CCDC68: variants seen among roughly 807,000 people sequenced by gnomAD.
CCDC68 encodes the protein coiled-coil domain-containing protein 68.
CCDC68 carries 45 observed loss-of-function variants against 47.1 expected under a neutral mutation model. The ratio of observed to expected loss-of-function variants is 0.96; its 90% CI spans 0.75 to 1.23. The LOEUF is 1.23. Among genes scored for constraint, CCDC68 ranks in the 50% most tolerant of loss-of-function variants. The probability of loss-of-function intolerance (pLI) is 0.00; values close to 1 mark genes in which losing one functional copy is unlikely to be tolerated. For missense variants in CCDC68, 353 were observed against 373.6 expected, an observed-to-expected ratio of 0.94 and a Z score of 0.45; for synonymous variants, 131 against 129.5, an observed-to-expected ratio of 1.01 and a Z score of -0.08.
chr18:54,904,565 G>A, intron 11 of CCDC68, 150 bp from the exon 12 acceptor site: 1 of 626,364 alleles, frequency 1.6e-6, no homozygotes, highest in South Asian at 2.1e-5. Context: ...GATGTATTCT[G>A]ACCAGTTCCC....
intron 1 of CCDC68, among the ~76,000 whole-genome samples, chr18:54,955,456 G>T (rs2044695668): frequency 6.6e-6 from 1 of 152,136 alleles, no homozygotes; most frequent in Non-Finnish European, 1.5e-5. Context: ...TAGGCTCACA[G>T]AACTGGCTAG....
chr18:54,942,592 G>T, intron 3 of CCDC68, 83 bp downstream of exon 3: 1 of 823,242 alleles, frequency 1.2e-6, no homozygotes, highest in Non-Finnish European at 2.0e-6. Flanking sequence ...GTTCTATGGA[G>T]AGGGAAACAA....
Position 54,902,806 on chromosome 18 carries a change from A to T in CCDC68, c.*1552T>A, listed in dbSNP as rs1913758198. The T allele has an allele frequency of 6.6e-6, 1 of 152,206 alleles. No homozygotes were observed. The highest frequency in any genetic ancestry group is 1.5e-5 in the Non-Finnish European group (1 of 68,028). The allele number at this position is 152,206 out of a possible 1,614,324, so 9.4% of individuals were successfully genotyped here. A position where few individuals can be genotyped will look rare whatever the true frequency, so the allele number is the denominator to read the frequency against. On this transcript the variant is annotated 3_prime_UTR_variant, in exon 12 of 12. Transcript: ENST00000591504. ...TAGAATGAATATCAATAGCCAAGTC[A>T]AAAGGTTCAAATTTTTGCTTCACAG...
intron 3 of CCDC68, 115 bp from the exon 4 acceptor site, chr18:54,941,198 T>C (rs1354711220): frequency 1.5e-6 from 1 of 646,298 alleles, no homozygotes; most frequent in African/African-American, 1.8e-5. Context: ...TATATACATA[T>C]ATTGATCTCA....
intron 11 of CCDC68, among the ~76,000 whole-genome samples, chr18:54,905,471 C>T (rs998782820): frequency 6.5e-5 from 8 of 122,730 alleles, no homozygotes; most frequent in Non-Finnish European, 1.2e-4. Context: ...AAAGAAAAAA[C>T]CTTTTTTGTT....
intron 8 of CCDC68, among the ~76,000 whole-genome samples, chr18:54,926,979 A>G (rs1360559002): frequency 6.6e-6 from 1 of 152,242 alleles, no homozygotes; most frequent in Non-Finnish European, 1.5e-5. Flanking sequence ...TATGGAGTCA[A>G]CCTTATTTTT....
At chr18:54,904,659 A>C (rs1391126304) in intron 11 of CCDC68, among the ~76,000 whole-genome samples, 2 of 152,220 alleles carry the variant, frequency 1.3e-5, no homozygotes, top group Non-Finnish European at 2.9e-5. Context: ...ATGAGGGAGC[A>C]TGAGGGAAGC....
At chr18:54,946,595 T>C (rs2044532004) in intron 1 of CCDC68, among the ~76,000 whole-genome samples, 1 of 152,252 alleles carries the variant, frequency 6.6e-6, no homozygotes, top group East Asian at 1.9e-4. Flanking sequence ...CTTCTCAGGC[T>C]CTTTCATAAT....
At chr18:54,942,095 G>C (rs1441845229) in intron 3 of CCDC68, among the ~76,000 whole-genome samples, 2 of 152,168 alleles carry the variant, frequency 1.3e-5, no homozygotes, top group Non-Finnish European at 2.9e-5. Flanking sequence ...ACTGCACCTG[G>C]CCTACTCTAG....
At chr18:54,953,551 TAGAG>T (rs35449564) in intron 1 of CCDC68, among the ~76,000 whole-genome samples, 1 of 150,504 alleles carries the variant, frequency 6.6e-6, no homozygotes, top group African/African-American at 2.4e-5. Context: ...TATATATATA[TAGAG>T]AGAGAGAGAT....
chr18:54,917,078 G>A (rs561777459), intron 10 of CCDC68, among the ~76,000 whole-genome samples: 2 of 152,288 alleles, frequency 1.3e-5, no homozygotes, highest in South Asian at 4.1e-4. Flanking sequence ...TCTTGGGTAT[G>A]TCTTTATTAG....
intron 10 of CCDC68, among the ~76,000 whole-genome samples, chr18:54,910,377 T>A (rs1914287749): frequency 6.6e-6 from 1 of 152,196 alleles, no homozygotes; most frequent in African/African-American, 2.4e-5. Context: ...AGCTCTTCTC[T>A]GCAGCTGGTC....
intron 8 of CCDC68, among the ~76,000 whole-genome samples, chr18:54,927,124 T>C (rs1357796351): frequency 6.6e-6 from 1 of 152,192 alleles, no homozygotes; most frequent in Non-Finnish European, 1.5e-5. Flanking sequence ...GTCTGAGTCA[T>C]ACTGATTTCA....
intron 6 of CCDC68, among the ~76,000 whole-genome samples, chr18:54,935,635 C>G (rs1348281417): frequency 6.6e-6 from 1 of 152,206 alleles, no homozygotes; most frequent in African/African-American, 2.4e-5. Flanking sequence ...ACAAGCGCCC[C>G]CATAGCATAG....
intron 10 of CCDC68, among the ~76,000 whole-genome samples, chr18:54,908,191 T>C (rs1190193636): frequency 6.6e-6 from 1 of 152,232 alleles, no homozygotes; most frequent in Non-Finnish European, 1.5e-5. Flanking sequence ...TAAGGAACCT[T>C]GTTAAAGATA....
Position 54,958,748 on chromosome 18 carries a change from C to T in CCDC68, c.-103+588G>A, listed in dbSNP as rs945410730. ...ATAAGAGTGTTCCTTTGTCTAGCCG[C>T]CTAGCACTCTGTAACTTCCACATCT... On this transcript the variant is annotated intron_variant, in intron 1 of 11. Coordinates refer to ENST00000591504, the MANE Select transcript of CCDC68 (RefSeq NM_025214.3). Among the ~76,000 whole-genome samples the T allele has an allele frequency of 2.6e-5, 4 of 152,168 alleles. No homozygotes were observed. In the East Asian group the frequency reaches 5.8e-4, roughly 22 times the overall value.
rs111525601 is a variant in CCDC68 at position 54,936,519 on chromosome 18, G to A, written c.471+314C>T. Among the ~76,000 whole-genome samples the A allele has an allele frequency of 8.7e-4, 133 of 152,018 alleles. 3 individuals are homozygous for A. Among genetic ancestry groups the A allele is most frequent in the African/African-American group, 2.9e-3 (121 of 41,472 alleles). On this transcript the variant is annotated intron_variant, in intron 6 of 11. Coordinates refer to ENST00000591504, the MANE Select transcript of CCDC68 (RefSeq NM_025214.3). Reference sequence around the variant, plus strand: ...ATCTAGCGAGTCAACGGCAGAGCCCGAAGAGAAGTTACCAGCCCAGCTCCG... The same window carrying A: ...ATCTAGCGAGTCAACGGCAGAGCCCAAAGAGAAGTTACCAGCCCAGCTCCG...
intron 10 of CCDC68, among the ~76,000 whole-genome samples, chr18:54,909,380 CTTTTTT>C (rs5825105): frequency 2.8e-4 from 35 of 125,546 alleles, no homozygotes; most frequent in Non-Finnish European, 3.3e-4. Context: ...TATTTTCTTT[CTTTTTT>C]TTTTTTTTTT....
At chr18:54,938,657 G>T (rs1399407761) in intron 4 of CCDC68, among the ~76,000 whole-genome samples, 1 of 152,232 alleles carries the variant, frequency 6.6e-6, no homozygotes, top group Non-Finnish European at 1.5e-5. Flanking sequence ...GACACACGGA[G>T]GTGGATAATA....
Sources: allele counts gnomAD v4.1 joint callset (sites outside exome capture counted in the v4.1 genomes callset), GRCh38; gene constraint gnomAD v4.1.1; transcripts MANE v1.5; gene names NCBI Gene and HGNC (gene_info 2026-07-23, HGNC 2026-07-21).